NEB: variants seen among roughly 807,000 people sequenced by gnomAD.
The protein encoded by NEB is nebulin.
Under a neutral mutation model 952.2 loss-of-function variants are expected in NEB, and 512 were observed. That is an observed-to-expected ratio of 0.54 (90% confidence interval 0.50 to 0.58). The LOEUF (loss-of-function observed/expected upper bound fraction) is 0.58, where lower values mean the gene tolerates loss of function less well. NEB is among the 20% of genes least tolerant of loss of function. The pLI is 0.00. For synonymous variants in NEB, 2,900 were observed against 3,149.8 expected, an observed-to-expected ratio of 0.92 and a Z score of 2.66; for missense variants, 8,428 against 9,231.1, an observed-to-expected ratio of 0.91 and a Z score of 3.56.
chr2:151,508,302 C>A (rs2070980245), intron 161 of NEB, among the ~76,000 whole-genome samples, 193 bp from the exon 162 acceptor site: 1 of 152,206 alleles, frequency 6.6e-6, no homozygotes, highest in South Asian at 2.1e-4. Flanking sequence ...CATACTTTTT[C>A]TTTCCAGGAA....
chr2:151,537,926 A>C lies in NEB; in HGVS notation c.21048T>G (p.Ile7016Met). Residue 7016 changes from isoleucine (I) to methionine (M), a missense_variant, in exon 140 of 182, where the codon ATT becomes ATG. Ile to Met is a conservative substitution (Grantham distance 10). Around this residue, in one of 11 missense-constraint regions of NEB, gnomAD observed 3,374 missense variants for 3,651.5 expected, o/e 0.92. Coordinates refer to ENST00000397345, the MANE Select transcript of NEB (RefSeq NM_001164508.2). The stretch of plus-strand genomic sequence containing the variant: ...GGTGGAAATGCTCTGGACGATCAGG[A>C]ATGGACCTCCAGATACCCAACTGGC... ...YMSQLGIWRS[I>M]PDRPEHFHHR... 1 of 1,613,532 alleles carries C rather than the reference A, an allele frequency of 6.2e-7. No homozygotes were observed. Among genetic ancestry groups the C allele is most frequent in the Non-Finnish European group, 8.5e-7 (1 of 1,179,628 alleles).
At chr2:151,506,360 T>G (rs957558256) in intron 163 of NEB, 102 bp from the exon 164 acceptor site, 208 of 851,414 alleles carry the variant, frequency 2.4e-4, no homozygotes, top group Middle Eastern at 6.9e-4. Flanking sequence ...AACAAGACAC[T>G]AGACGATGTT....
chr2:151,540,630 C>A, intron 137 of NEB, 67 bp downstream of exon 137: 2 of 1,377,320 alleles, frequency 1.5e-6, no homozygotes, highest in Non-Finnish European at 2.1e-6. Flanking sequence ...TCAGAGGTAG[C>A]AGGGGAAGGT....
intron 147 of NEB, 145 bp downstream of exon 147, chr2:151,527,336 C>A: frequency 1.4e-6 from 1 of 723,144 alleles, no homozygotes; most frequent in Admixed American, 2.9e-5. Context: ...GCTCGCCTAT[C>A]GCTCCCCCAA....
Position 151,570,294 on chromosome 2 carries a change from G to C in NEB, c.17217C>G (p.Asp5739Glu). The C allele has an allele frequency of 1.2e-6, 2 of 1,613,272 alleles. No individual in the cohort carries two copies. Among genetic ancestry groups the C allele is most frequent in the Non-Finnish European group, 1.7e-6 (2 of 1,179,410 alleles). The change falls in exon 109 of 182, where the codon GAC (aspartate) becomes GAG (glutamate). Residue 5739 changes from aspartate to glutamate, a missense_variant. Transcript: ENST00000397345. The part of the protein sequence containing the change: ...DNKIRWALIA[D>E]KLQNEREYRL... ...GGTACTCTCGTTCATTCTGGAGCTT[G>C]TCAGCTATGAGGGCCCAGCGGATCT...
In NEB at chr2:151,505,517, T is replaced by C. The variant is rs779612457; in HGVS notation, c.23703A>G (p.Glu7901=). Residue 7901 remains glutamate, a synonymous_variant, in exon 165 of 182, where the codon GAA becomes GAG. Transcript: ENST00000397345. The stretch of plus-strand genomic sequence containing the variant: ...TCTGCGTCTCCTTCACACGTTTCAC[T>C]TCAGGCAGGTCAGGGATTGGAGTTC... The part of the protein sequence containing the change: ...GQGTPIPDLP[E]VKRVKETQKH... The C allele has an allele frequency of 1.6e-5, 26 of 1,613,762 alleles. No homozygotes were observed. The Admixed American group carries it at 4.3e-4, about 27-fold the overall frequency.
At chr2:151,498,096 T>A (rs145603467) in intron 170 of NEB, 164 bp downstream of exon 170, 17 of 1,473,608 alleles carry the variant, frequency 1.2e-5, no homozygotes, top group Middle Eastern at 2.3e-4. Flanking sequence ...AAGTAAAAAA[T>A]TGACATTAAC....
chr2:151,675,178 A>T (rs999747487), intron 35 of NEB, 109 bp downstream of exon 35: 11 of 796,982 alleles, frequency 1.4e-5, no homozygotes, highest in African/African-American at 1.0e-4. Context: ...CCAGTAGGGG[A>T]TTTGTGAGAA....
At chr2:151,541,201 A>G (rs1234523004) in intron 136 of NEB, among the ~76,000 whole-genome samples, 2 of 152,184 alleles carry the variant, frequency 1.3e-5, no homozygotes, top group Non-Finnish European at 2.9e-5. Context: ...AATTATTTTC[A>G]TTACTCCAAA....
At chr2:151,685,313 T>C (rs1403696098) in intron 27 of NEB, among the ~76,000 whole-genome samples, 1 of 152,186 alleles carries the variant, frequency 6.6e-6, no homozygotes. Context: ...ATTTAACCTA[T>C]GAAGAGTTTT....
At chr2:151,562,077 T>C (rs373461387) in intron 121 of NEB, 33 bp downstream of exon 121, 11 of 1,544,144 alleles carry the variant, frequency 7.1e-6, no homozygotes, top group East Asian at 2.2e-5. Flanking sequence ...TGATGACCCA[T>C]GGAGAACCAG....
chr2:151,533,904 A>G (rs953341895), intron 142 of NEB, among the ~76,000 whole-genome samples: 9 of 151,942 alleles, frequency 5.9e-5, no homozygotes, highest in Non-Finnish European at 8.8e-5. Flanking sequence ...TTGTTTGTTT[A>G]TTTTTTGCTT....
intron 175 of NEB, 79 bp downstream of exon 175, chr2:151,493,696 T>C: frequency 1.7e-6 from 2 of 1,177,986 alleles, no homozygotes; most frequent in South Asian, 3.1e-5. Context: ...TTGGAAAAAC[T>C]GTAAGATAAA....
chr2:151,561,598 CTTT>C (rs112384270), intron 121 of NEB, among the ~76,000 whole-genome samples: 1 of 141,832 alleles, frequency 7.1e-6, no homozygotes, highest in African/African-American at 2.6e-5. Flanking sequence ...GTTTCGAACA[CTTT>C]TTTTTTTTTA....
At chr2:151,545,760 G>A (rs1420660049) in intron 135 of NEB, 128 bp downstream of exon 135, 1 of 607,358 alleles carries the variant, frequency 1.6e-6, no homozygotes. Context: ...CCACAGTTAA[G>A]AGGGGAAATA....
rs200637566 is a variant in NEB at position 151,678,000 on chromosome 2, G to A, written c.3443C>T (p.Ala1148Val). ...GACCACATCCTGGGCTTTCTTAGCC[G>A]CCACGACATTGAACATATCATGGGG... ...NTPHDMFNVV[A>V]AKKAQDVVSN... The change falls in exon 33 of 182, where the codon GCG becomes GTG. Residue 1148 changes from alanine to valine, a missense_variant. By Grantham distance (64) the Ala-to-Val change is moderately conservative. This residue lies in a region of NEB where 2,851 missense variants were observed against 2,791.5 expected (regional missense o/e 1.02). Coordinates refer to ENST00000397345, the MANE Select transcript of NEB (RefSeq NM_001164508.2). The A allele has an allele frequency of 1.3e-4, 213 of 1,613,882 alleles. No homozygotes were observed. Among genetic ancestry groups the A allele is most frequent in the East Asian group, 1.3e-3 (58 of 44,888 alleles).
At chr2:151,519,097 T>C in intron 154 of NEB, 28 bp from the exon 155 acceptor site, 1 of 1,411,076 alleles carries the variant, frequency 7.1e-7, no homozygotes, top group Non-Finnish European at 1.0e-6. Flanking sequence ...AGAAAGGAAA[T>C]CACGTAAATA....
Position 151,625,581 on chromosome 2 carries a change from T to A in NEB, c.10405A>T (p.Thr3469Ser), listed in dbSNP as rs753669326. The change falls in exon 71 of 182, where the codon ACA (threonine) becomes TCA (serine). Residue 3469 changes from threonine to serine, a missense_variant. Thr to Ser is a moderately conservative substitution (Grantham distance 58, BLOSUM62 1). Around this residue, in one of 11 missense-constraint regions of NEB, gnomAD observed 1,772 missense variants for 1,960.3 expected, o/e 0.90. Transcript: ENST00000397345. ...DKTQVHIMPD[T>S]PEIMLARQNK... ...TGTCTTGCCAACATGATTTCAGGTG[T>A]ATCAGGCATAATATGGACTTGGGTC... is the stretch of plus-strand genomic sequence containing the variant. 1 of 1,606,724 alleles carries A rather than the reference T, an allele frequency of 6.2e-7. No homozygotes were observed. Among genetic ancestry groups the A allele is most frequent in the Non-Finnish European group, 8.5e-7 (1 of 1,174,942 alleles).
chr2:151,498,377 AC>A, intron 169 of NEB, 25 bp from the exon 170 acceptor site: 1 of 1,492,170 alleles, frequency 6.7e-7, no homozygotes, highest in Non-Finnish European at 9.1e-7. Flanking sequence ...AGCATCCAGA[AC>A]AAAAAAAGCA....
Sources: allele counts gnomAD v4.1 joint callset (sites outside exome capture counted in the v4.1 genomes callset), GRCh38; gene constraint gnomAD v4.1.1; regional missense constraint gnomAD v4.1.1; transcripts MANE v1.5; gene names NCBI Gene and HGNC (gene_info 2026-07-23, HGNC 2026-07-21).